The following ARHGEF26 variants were observed in gnomAD, a reference collection of about 807,000 sequenced individuals.
The protein encoded by ARHGEF26 is Rho guanine nucleotide exchange factor (GEF) 26.
In ARHGEF26, 59 loss-of-function variants were observed where a neutral mutation model predicts 89.4. The observed-to-expected ratio is 0.66, with a 90% CI of 0.54 to 0.82. The LOEUF is 0.82. Ranked by LOEUF, ARHGEF26 falls within the 40% of genes least tolerant of loss-of-function variation. The probability of loss-of-function intolerance (pLI) is 0.00; values close to 1 mark genes in which losing one functional copy is unlikely to be tolerated. For synonymous variants in ARHGEF26, 500 were observed against 428.4 expected, an observed-to-expected ratio of 1.17 and a Z score of -2.06; for missense variants, 1,234 against 1,085.6, an observed-to-expected ratio of 1.14 and a Z score of -1.92.
At chr3:154,231,304 A>G (rs536436632) in intron 11 of ARHGEF26, among the ~76,000 whole-genome samples, 1 of 152,254 alleles carries the variant, frequency 6.6e-6, no homozygotes, top group Non-Finnish European at 1.5e-5. Flanking sequence ...TGCATCTGTA[A>G]GGAGAGTTGG....
intron 6 of ARHGEF26, among the ~76,000 whole-genome samples, chr3:154,181,001 A>G (rs1467234499): frequency 6.6e-6 from 1 of 152,168 alleles, no homozygotes; most frequent in African/African-American, 2.4e-5. Flanking sequence ...CTCTGCATGT[A>G]GGCAGAGTGC....
At chr3:154,250,430 C>T (rs1021507385) in intron 12 of ARHGEF26, among the ~76,000 whole-genome samples, 3 of 152,180 alleles carry the variant, frequency 2.0e-5, no homozygotes, top group African/African-American at 7.2e-5. Flanking sequence ...AAAGCTGCTC[C>T]TTTTAGTGAT....
intron 11 of ARHGEF26, among the ~76,000 whole-genome samples, chr3:154,231,926 A>G (rs1025076147): frequency 6.6e-6 from 1 of 151,898 alleles, no homozygotes; most frequent in African/African-American, 2.4e-5. Flanking sequence ...CTATTCCTAA[A>G]TGACTAGGAG....
chr3:154,132,337 A>G (rs1427132390), intron 4 of ARHGEF26, among the ~76,000 whole-genome samples: 1 of 151,956 alleles, frequency 6.6e-6, no homozygotes, highest in South Asian at 2.1e-4. Context: ...ATTACAGCGA[A>G]CCCCTCCTTC....
intron 11 of ARHGEF26, among the ~76,000 whole-genome samples, chr3:154,235,310 T>C (rs1717054733): frequency 6.6e-6 from 1 of 152,194 alleles, no homozygotes; most frequent in Non-Finnish European, 1.5e-5. Flanking sequence ...AAGAAACCTG[T>C]TAAGTTTAAT....
intron 6 of ARHGEF26, among the ~76,000 whole-genome samples, chr3:154,175,394 TC>T (rs781147191): frequency 6.6e-6 from 1 of 152,036 alleles, no homozygotes; most frequent in East Asian, 1.9e-4. Flanking sequence ...ATGAAATGCT[TC>T]CCTCTTCTTT....
intron 9 of ARHGEF26, among the ~76,000 whole-genome samples, chr3:154,202,117 C>T (rs1177907093): frequency 6.6e-6 from 1 of 152,130 alleles, no homozygotes; most frequent in Non-Finnish European, 1.5e-5. Flanking sequence ...AGGTTTTCTT[C>T]TAGAGTTTTT....
intron 6 of ARHGEF26, among the ~76,000 whole-genome samples, chr3:154,175,982 A>G (rs919998924): frequency 1.8e-4 from 28 of 152,338 alleles, no homozygotes; most frequent in African/African-American, 6.5e-4. Flanking sequence ...CACAGGTGCC[A>G]GGGCATTTTG....
chr3:154,163,803 A>T (rs1456188320), intron 6 of ARHGEF26, among the ~76,000 whole-genome samples: 3 of 152,152 alleles, frequency 2.0e-5, no homozygotes, highest in Non-Finnish European at 4.4e-5. Context: ...CAGTCTGTGA[A>T]TGTGTCCCAA....
chr3:154,250,384 A>AG lies in ARHGEF26; in HGVS notation c.2301-2724dup, dbSNP rs991400942. On this transcript the variant is annotated intron_variant, in intron 12 of 14. Coordinates refer to ENST00000465093, the MANE Select transcript of ARHGEF26 (RefSeq NM_015595.4). ...TCCTGTGGATTTGACAGCATCTAAG[A>AG]GGGGGGGGTGGGACTCACTCAATTG... Among the ~76,000 whole-genome samples, 575 of 150,928 alleles carry AG rather than the reference A, an allele frequency of 3.8e-3. 5 individuals are homozygous for AG. Among genetic ancestry groups the AG allele is most frequent in the African/African-American group, 0.013 (536 of 41,084 alleles).
At position 154,255,517 on chromosome 3, in the gene ARHGEF26, T is replaced by TA; in HGVS notation, c.*45dup. On this transcript the variant is annotated 3_prime_UTR_variant, in exon 15 of 15. Coordinates refer to ENST00000465093, the MANE Select transcript of ARHGEF26 (RefSeq NM_015595.4). ...GTTACTGCAAGATTTGCACGACACT[T>TA]ACCGGGCTGGTTGGTTCTGGGCTAG... 1 of 1,590,734 alleles carries TA rather than the reference T, an allele frequency of 6.3e-7. No homozygotes were observed. The highest frequency in any genetic ancestry group is 8.6e-7 in the Non-Finnish European group (1 of 1,169,588).
rs559758938 is a variant in ARHGEF26 at position 154,240,507 on chromosome 3, A to G, written c.2228A>G (p.His743Arg). The change falls in exon 12 of 15, where the codon CAC becomes CGC. Residue 743 changes from histidine to arginine, a missense_variant. By Grantham distance (29) the His-to-Arg change is conservative. Coordinates refer to ENST00000465093, the MANE Select transcript of ARHGEF26 (RefSeq NM_015595.4). The stretch of plus-strand genomic sequence containing the variant: ...TATTCAAGACAGAGCTCTGCCAGTC[A>G]CCTCTTTACTCTGACAGTCCTTAGT... The part of the protein sequence containing the change: ...MLYSRQSSAS[H>R]LFTLTVLSNH... The G allele has an allele frequency of 1.2e-4, 187 of 1,613,314 alleles. No homozygotes were observed. The highest frequency in any genetic ancestry group is 6.9e-4 in the South Asian group (63 of 90,928).
At chr3:154,165,873 T>A (rs1161639231) in intron 6 of ARHGEF26, among the ~76,000 whole-genome samples, 2 of 152,156 alleles carry the variant, frequency 1.3e-5, no homozygotes, top group African/African-American at 4.8e-5. Flanking sequence ...ATAATTTCTA[T>A]CCATGGTATG....
chr3:154,236,545 A>G (rs1717137987), intron 11 of ARHGEF26, among the ~76,000 whole-genome samples: 1 of 152,238 alleles, frequency 6.6e-6, no homozygotes, highest in Admixed American at 6.5e-5. Context: ...CAGAGACTAT[A>G]TAAACCATAT....
intron 13 of ARHGEF26, 36 bp downstream of exon 13, chr3:154,253,219 T>C: frequency 6.2e-7 from 1 of 1,612,850 alleles, no homozygotes; most frequent in East Asian, 2.2e-5. Flanking sequence ...CTTGGGAACA[T>C]GGATGGGCTC....
rs183943524 is a variant in ARHGEF26, at chr3:154,122,158, G to T, written c.166G>T (p.Gly56Ter). The stretch of plus-strand genomic sequence containing the variant: ...AATTACGGATTTCCCGGTGGAGGAC[G>T]GAGGGACGCTCCTCGCAGCGCAGAT... ...LLITDFPVED[G>*]GTLLAAQIPA... is the part of the protein sequence containing the mutation. Residue 56 changes from glycine (G) to a stop codon, truncating the protein, a stop_gained, in exon 2 of 15, where the codon GGA (glycine) becomes TGA (stop). Transcript: ENST00000465093. LOFTEE classifies it high-confidence loss of function. 6.2e-7 allele frequency: 1 copy of T among 1,600,766 alleles called. No individual in the cohort carries two copies. The highest frequency in any genetic ancestry group is 8.5e-7 in the Non-Finnish European group (1 of 1,173,724).
chr3:154,160,531 A>T (rs1306078887), intron 6 of ARHGEF26, among the ~76,000 whole-genome samples: 1 of 152,150 alleles, frequency 6.6e-6, no homozygotes. Context: ...TAAGAATGAG[A>T]CAACAGCTAC....
At chr3:154,145,161 A>G (rs1338275332) in intron 4 of ARHGEF26, among the ~76,000 whole-genome samples, 3 of 152,016 alleles carry the variant, frequency 2.0e-5, no homozygotes, top group Admixed American at 2.0e-4. Context: ...TACAGAGGAC[A>G]CTCTTTCTGG....
intron 11 of ARHGEF26, among the ~76,000 whole-genome samples, chr3:154,236,777 T>C (rs796341307): frequency 1.5e-4 from 23 of 152,250 alleles, no homozygotes; most frequent in African/African-American, 5.5e-4. Flanking sequence ...TGTTTCTTTT[T>C]ATAGTAGATT....
Sources: gnomAD v4.1 joint callset for allele counts (sites outside exome capture counted in the v4.1 genomes callset) on GRCh38, gnomAD v4.1.1 for gene constraint, MANE v1.5 for transcripts, NCBI Gene and HGNC (gene_info 2026-07-23, HGNC 2026-07-21) for gene names.